Variants in ZCCHC7 observed in about 807,000 individuals in gnomAD.
ZCCHC7 encodes the protein zinc finger CCHC-type containing 7, also known as zinc finger CCHC domain-containing protein 7.
A neutral mutation model predicts 52.0 loss-of-function variants in ZCCHC7; 35 were observed. That is an observed-to-expected ratio of 0.67 (90% CI 0.51 to 0.89). The LOEUF is 0.89. Among genes scored for constraint, ZCCHC7 ranks in the 40% least tolerant of loss-of-function variants. ZCCHC7 has a pLI of 0.00. For missense variants in ZCCHC7, 574 were observed against 649.1 expected (o/e 0.88, Z 1.26); for synonymous variants, 217 against 221.5 (o/e 0.98, Z 0.18).
At chr9:37,123,064 T>C (rs761858226) in intron 1 of ZCCHC7, among the ~76,000 whole-genome samples, 44 of 152,246 alleles carry the variant, frequency 2.9e-4, no homozygotes, top group Non-Finnish European at 5.7e-4. Flanking sequence ...CCTATCTCTT[T>C]GTATTTCAGT....
intron 2 of ZCCHC7, among the ~76,000 whole-genome samples, chr9:37,129,373 A>C (rs1842677592): frequency 6.6e-6 from 1 of 152,194 alleles, no homozygotes; most frequent in Non-Finnish European, 1.5e-5. Context: ...AATTTACTTG[A>C]CTCTTATAAA....
rs762413630 is a variant in ZCCHC7 at position 37,340,359 on chromosome 9, AT to A, written c.988-8997del. ...ACTTCTATATATTGATAGTAAAGTA[AT>A]CTCCAAGATATCACCCTACAAATAT... is the stretch of plus-strand genomic sequence containing the variant. On this transcript the variant is annotated intron_variant, in intron 6 of 8. Coordinates refer to ENST00000336755, the MANE Select transcript of ZCCHC7 (RefSeq NM_032226.3). Among the ~76,000 whole-genome samples, 16 of 152,070 alleles carry A rather than the reference AT, an allele frequency of 1.1e-4. 1 individual carries two copies. In the East Asian group the frequency reaches 1.7e-3, roughly 17 times the overall value.
chr9:37,349,253 A>G (rs1368101978), intron 6 of ZCCHC7, 104 bp from the exon 7 acceptor site: 1 of 1,146,636 alleles, frequency 8.7e-7, no homozygotes, highest in Non-Finnish European at 1.3e-6. Flanking sequence ...ACAAAACTCT[A>G]AGAAACTTCT....
In ZCCHC7 at chr9:37,354,651, C is replaced by T; in HGVS notation, c.1084-59C>T. Reference sequence around the variant, plus strand: ...CTAATTAACATGCTCCAGAATCTTGCAAAAAGGTTTTTGAACAGTGTGACC... The same window carrying T: ...CTAATTAACATGCTCCAGAATCTTGTAAAAAGGTTTTTGAACAGTGTGACC... On this transcript the variant is annotated intron_variant, in intron 7 of 8. Transcript: ENST00000336755. The surrounding 1 kb of genome is among the most constrained non-coding windows in gnomAD (Gnocchi z 4.0). The T allele has an allele frequency of 7.9e-7, 1 of 1,263,726 alleles. No individual in the cohort carries two copies. The highest frequency in any genetic ancestry group is 1.1e-6 in the Non-Finnish European group (1 of 878,628). The allele number at this position is 1,263,726 out of a possible 1,614,324, so 78.3% of individuals were successfully genotyped here. A position where few individuals can be genotyped will look rare whatever the true frequency, so the allele number is the denominator to read the frequency against.
chr9:37,132,782 T>G (rs1267578027), intron 2 of ZCCHC7, among the ~76,000 whole-genome samples: 1 of 152,180 alleles, frequency 6.6e-6, no homozygotes. Flanking sequence ...ATGGGCCACA[T>G]TGGAAGAATT....
intron 2 of ZCCHC7, among the ~76,000 whole-genome samples, chr9:37,200,712 T>A: frequency 6.6e-6 from 1 of 152,210 alleles, no homozygotes. Context: ...TATAGCTGTC[T>A]GTAAATTATG....
intron 6 of ZCCHC7, among the ~76,000 whole-genome samples, chr9:37,329,275 A>G (rs1012045609): frequency 6.6e-6 from 1 of 151,732 alleles, no homozygotes; most frequent in Non-Finnish European, 1.5e-5. Context: ...GTGTTCGTTT[A>G]TATACCTATA....
chr9:37,293,585 G>T (rs1351515562), intron 2 of ZCCHC7, among the ~76,000 whole-genome samples: 1 of 152,106 alleles, frequency 6.6e-6, no homozygotes, highest in Non-Finnish European at 1.5e-5. Flanking sequence ...TGGAGGTGGG[G>T]AACAGGCATC....
intron 2 of ZCCHC7, among the ~76,000 whole-genome samples, chr9:37,301,734 C>T (rs1401916214): frequency 6.6e-6 from 1 of 152,168 alleles, no homozygotes; most frequent in Non-Finnish European, 1.5e-5. Flanking sequence ...CATCTCCCTC[C>T]TGTGGATCCT....
intron 2 of ZCCHC7, among the ~76,000 whole-genome samples, chr9:37,134,807 C>T (rs1275632336): frequency 6.6e-6 from 1 of 152,198 alleles, no homozygotes; most frequent in African/African-American, 2.4e-5. Flanking sequence ...CTCACCGCAA[C>T]TTCCGCCTCC....
intron 2 of ZCCHC7, among the ~76,000 whole-genome samples, chr9:37,270,741 G>A (rs2133500939): frequency 6.9e-6 from 1 of 144,412 alleles, no homozygotes; most frequent in South Asian, 2.2e-4. Context: ...TTCAAAATAA[G>A]AATTTTTCTT....
At chr9:37,191,676 T>C (rs1344386996) in intron 2 of ZCCHC7, among the ~76,000 whole-genome samples, 1 of 152,206 alleles carries the variant, frequency 6.6e-6, no homozygotes, top group Non-Finnish European at 1.5e-5. Context: ...CTGCAGTTGC[T>C]AAAGGTAAGG....
At chr9:37,273,426 CT>C (rs1452381374) in intron 2 of ZCCHC7, among the ~76,000 whole-genome samples, 2 of 152,176 alleles carry the variant, frequency 1.3e-5, no homozygotes, top group Non-Finnish European at 2.9e-5. Context: ...TGGCGTGAAC[CT>C]GGGAGGTGGA....
intron 5 of ZCCHC7, among the ~76,000 whole-genome samples, chr9:37,317,413 A>T (rs990787679): frequency 9.2e-5 from 14 of 152,212 alleles, no homozygotes; most frequent in Non-Finnish European, 2.1e-4. Flanking sequence ...TCTGTTTTTT[A>T]ACTTAATATA....
At chr9:37,211,527 C>T (rs555326295) in intron 2 of ZCCHC7, among the ~76,000 whole-genome samples, 2 of 152,060 alleles carry the variant, frequency 1.3e-5, no homozygotes, top group Non-Finnish European at 2.9e-5. Flanking sequence ...ATTTATAATG[C>T]AGATAAGTAG....
chr9:37,273,976 T>C (rs1827558935), intron 2 of ZCCHC7, among the ~76,000 whole-genome samples: 1 of 152,206 alleles, frequency 6.6e-6, no homozygotes, highest in South Asian at 2.1e-4. Context: ...CAGAACACTT[T>C]TTATTGGAAA....
At chr9:37,271,254 T>C (rs1827396737) in intron 2 of ZCCHC7, among the ~76,000 whole-genome samples, 1 of 152,166 alleles carries the variant, frequency 6.6e-6, no homozygotes, top group African/African-American at 2.4e-5. Context: ...ATAGGAAATA[T>C]AAAGACTATC....
intron 6 of ZCCHC7, among the ~76,000 whole-genome samples, chr9:37,347,571 G>A (rs1025082481): frequency 2.6e-5 from 4 of 152,104 alleles, no homozygotes; most frequent in African/African-American, 9.7e-5. Flanking sequence ...TGAAGTAACA[G>A]AAAATTTCAG....
At chr9:37,209,005 T>C (rs916957295) in intron 2 of ZCCHC7, among the ~76,000 whole-genome samples, 1 of 152,196 alleles carries the variant, frequency 6.6e-6, no homozygotes, top group Non-Finnish European at 1.5e-5. Flanking sequence ...CTTTATTCTT[T>C]TCTGTTTTTA....
Sources: allele counts gnomAD v4.1 joint callset (sites outside exome capture counted in the v4.1 genomes callset), GRCh38; gene constraint gnomAD v4.1.1; non-coding constraint Gnocchi (gnomAD v3.1); transcripts MANE v1.5; gene names NCBI Gene and HGNC (gene_info 2026-07-23, HGNC 2026-07-21).